TPCN1: variants seen among roughly 807,000 people sequenced by gnomAD.
TPCN1 encodes two pore channel protein 1.
TPCN1 carries 52 observed loss-of-function variants against 108.8 expected under a neutral mutation model. The ratio of observed to expected loss-of-function variants is 0.48; its 90% CI spans 0.38 to 0.60. TPCN1 has a LOEUF of 0.60. TPCN1 is among the 20% of genes least tolerant of loss of function. TPCN1 has a pLI of 0.00. For synonymous variants in TPCN1, 446 were observed against 433.7 expected, an observed-to-expected ratio of 1.03 and a Z score of -0.35; for missense variants, 806 against 1,072.8, an observed-to-expected ratio of 0.75 and a Z score of 3.47.
At chr12:113,241,232 G>A (rs1470385540) in intron 2 of TPCN1, among the ~76,000 whole-genome samples, 2 of 152,242 alleles carry the variant, frequency 1.3e-5, no homozygotes, top group African/African-American at 2.4e-5. Flanking sequence ...GAAGTGGCAG[G>A]CCTAGGCCAT....
At position 113,288,190 on chromosome 12, in the gene TPCN1, C is replaced by T. The variant is rs776436515; in HGVS notation, c.1662C>T (p.Arg554=). The T allele has an allele frequency of 6.2e-7, 1 of 1,613,940 alleles. No individual in the cohort carries two copies. Among genetic ancestry groups the T allele is most frequent in the Non-Finnish European group, 8.5e-7 (1 of 1,179,918 alleles). ...TGTTTAAGTTGAAGGAGCGCTACCG[C>T]AACGTGCTGGACACCATGTTCGAGC... is the stretch of plus-strand genomic sequence containing the variant. ...LRLFKLKERY[R]NVLDTMFELL... is the part of the protein sequence containing the mutation. Residue 554 remains arginine (R), a synonymous_variant, in exon 20 of 28, where the codon CGC becomes CGT. Coordinates refer to ENST00000335509, the MANE Select transcript of TPCN1 (RefSeq NM_017901.6). This position sits in a 1 kb window ranked among gnomAD's most constrained non-coding sequence, Gnocchi z 4.8.
chr12:113,247,707 C>T (rs544812564), intron 2 of TPCN1, among the ~76,000 whole-genome samples: 18 of 152,338 alleles, frequency 1.2e-4, no homozygotes, highest in South Asian at 2.1e-4. Context: ...CCATTTGCAC[C>T]CTTTCTATAA....
At chr12:113,277,444 C>G (rs1248883952) in intron 12 of TPCN1, 80 bp downstream of exon 12, 1 of 1,576,868 alleles carries the variant, frequency 6.3e-7, no homozygotes, top group East Asian at 2.3e-5. Flanking sequence ...TGTGAAGGCC[C>G]TTGAGGTGGG....
At chr12:113,247,034 C>T (rs1256905473) in intron 2 of TPCN1, among the ~76,000 whole-genome samples, 2 of 152,170 alleles carry the variant, frequency 1.3e-5, no homozygotes, top group Non-Finnish European at 2.9e-5. Flanking sequence ...AACAAGGCAC[C>T]AGGCCACTAG....
chr12:113,292,804 A>AC, intron 25 of TPCN1, 130 bp from the exon 26 acceptor site: 1 of 1,040,178 alleles, frequency 9.6e-7, no homozygotes, highest in Non-Finnish European at 1.4e-6. Context: ...AGAGCAGGAC[A>AC]CCAATGCAGT....
intron 1 of TPCN1, 58 bp downstream of exon 1, chr12:113,221,684 C>T (rs1004925443): frequency 1.8e-5 from 3 of 165,740 alleles, no homozygotes; most frequent in Non-Finnish European, 2.6e-5. Context: ...GATCAGGGGT[C>T]AGAGGACGCG....
Position 113,289,014 on chromosome 12 carries a change from G to A in TPCN1, c.1796+167G>A, listed in dbSNP as rs1956182940. ...TAGTTGAGTGCAGTGAGCTAAATGAGGGGCCTGGACTCGGGGTCCCTGTTT... is the reference window on the plus strand; with the variant it reads ...TAGTTGAGTGCAGTGAGCTAAATGAAGGGCCTGGACTCGGGGTCCCTGTTT... On this transcript the variant is annotated intron_variant, in intron 21 of 27. Transcript: ENST00000335509. This position sits in a 1 kb window ranked among gnomAD's most constrained non-coding sequence, Gnocchi z 4.1. Among the ~76,000 whole-genome samples, 1 of 152,220 alleles carries A rather than the reference G, an allele frequency of 6.6e-6. No homozygotes were observed. The highest frequency in any genetic ancestry group is 2.4e-5 in the African/African-American group (1 of 41,458).
At position 113,298,179 on chromosome 12, in the gene TPCN1, G is replaced by C. The variant is rs1016483481; in HGVS notation, c.*2103G>C. 6.6e-6 allele frequency: 1 copy of C among 152,346 alleles called. No homozygotes were observed. Among genetic ancestry groups the C allele is most frequent in the East Asian group, 1.9e-4 (1 of 5,194 alleles). The allele number at this position is 152,346 out of a possible 1,614,324, so 9.4% of individuals were successfully genotyped here. A position where few individuals can be genotyped will look rare whatever the true frequency, so the allele number is the denominator to read the frequency against. On this transcript the variant is annotated 3_prime_UTR_variant, in exon 28 of 28. Transcript: ENST00000335509. ...GTCAACAGACGGGAGTCCAGCCAGG[G>C]TGGGTGCCCTTGTCATTGAGGTTAG...
At position 113,232,419 on chromosome 12, in the gene TPCN1, G is replaced by A. The variant is rs748121099; in HGVS notation, c.112+5455G>A. Among the ~76,000 whole-genome samples the A allele has an allele frequency of 4.6e-5, 7 of 152,260 alleles. No homozygotes were observed. The highest frequency in any genetic ancestry group is 7.3e-5 in the Non-Finnish European group (5 of 68,048). On this transcript the variant is annotated intron_variant, in intron 2 of 27. Coordinates refer to ENST00000335509, the MANE Select transcript of TPCN1 (RefSeq NM_017901.6). The surrounding 1 kb of genome is among the most constrained non-coding windows in gnomAD (Gnocchi z 5.6). ...GGCCAGAGCTGTTGGCCGCAGGGCC[G>A]CCGTAGCCAGGAGGAGTTGGGAGAG...
In TPCN1 at chr12:113,288,889, G is replaced by A. The variant is rs777556761; in HGVS notation, c.1796+42G>A. The A allele has an allele frequency of 5.0e-5, 80 of 1,597,986 alleles. No individual in the cohort carries two copies. Among genetic ancestry groups the A allele is most frequent in the South Asian group, 6.6e-5 (6 of 90,766 alleles). On this transcript the variant is annotated intron_variant, in intron 21 of 27. Transcript: ENST00000335509. The surrounding 1 kb of genome is among the most constrained non-coding windows in gnomAD (Gnocchi z 4.8). ...CAGCCCCAGGCAGCCTGCATTTCCC[G>A]GGCAGAGGGCTGGCCAGGGCCAGGA...
intron 2 of TPCN1, among the ~76,000 whole-genome samples, chr12:113,239,853 G>T (rs776922615): frequency 1.3e-5 from 2 of 152,138 alleles, no homozygotes; most frequent in East Asian, 3.8e-4. Flanking sequence ...GTTAGATTGG[G>T]ATTTTATTAT....
intron 2 of TPCN1, among the ~76,000 whole-genome samples, chr12:113,245,547 G>A (rs1417377063): frequency 7.9e-6 from 1 of 127,108 alleles, no homozygotes; most frequent in Non-Finnish European, 1.6e-5. Flanking sequence ...CTTGCAGTGA[G>A]CCGAGATCGC....
intron 4 of TPCN1, among the ~76,000 whole-genome samples, chr12:113,267,448 G>A (rs977733713): frequency 3.3e-5 from 5 of 151,148 alleles, no homozygotes; most frequent in Non-Finnish European, 5.9e-5. Flanking sequence ...GCCCAGGCTG[G>A]TGTGCAGTGG....
intron 3 of TPCN1, 44 bp downstream of exon 3, chr12:113,260,536 G>A (rs1954990832): frequency 6.5e-7 from 1 of 1,544,414 alleles, no homozygotes; most frequent in Non-Finnish European, 8.7e-7. Flanking sequence ...TGCACCTGTT[G>A]GTGGGGTGGG....
chr12:113,293,572 G>T (rs865874900), intron 27 of TPCN1, among the ~76,000 whole-genome samples: 1 of 152,196 alleles, frequency 6.6e-6, no homozygotes, highest in African/African-American at 2.4e-5. Flanking sequence ...CCTGCCTGCC[G>T]CCATATGTCC....
intron 7 of TPCN1, among the ~76,000 whole-genome samples, chr12:113,271,683 C>A (rs1442401760): frequency 4.6e-5 from 7 of 152,194 alleles, no homozygotes; most frequent in Admixed American, 4.6e-4. Context: ...TTCTGTCGGA[C>A]GTTTTTCTTA....
chr12:113,260,405 C>A lies in TPCN1; in HGVS notation c.150C>A (p.Pro50=). The A allele has an allele frequency of 6.6e-7, 1 of 1,524,026 alleles. No individual in the cohort carries two copies. The highest frequency in any genetic ancestry group is 8.8e-7 in the Non-Finnish European group (1 of 1,141,754). The allele number at this position is 1,524,026 out of a possible 1,614,324, so 94.4% of individuals were successfully genotyped here. Residue 50 remains proline, a synonymous_variant, in exon 3 of 28, where the codon CCC becomes CCA. Coordinates refer to ENST00000335509, the MANE Select transcript of TPCN1 (RefSeq NM_017901.6). ...ATGCCATCCACGACTCCCAGGCCCCCAGTCTCAGCTCTGGGGGTGAGAGTT... is the reference window on the plus strand; with the variant it reads ...ATGCCATCCACGACTCCCAGGCCCCAAGTCTCAGCTCTGGGGGTGAGAGTT... ...GSYAIHDSQA[P]SLSSGGESSP...
chr12:113,237,294 TC>T (rs929355731), intron 2 of TPCN1, among the ~76,000 whole-genome samples: 7 of 151,920 alleles, frequency 4.6e-5, no homozygotes, highest in Non-Finnish European at 8.8e-5. Flanking sequence ...TGTGTCTGTC[TC>T]CCTGACCAGT....
chr12:113,295,126 C>T (rs959589309), intron 27 of TPCN1, among the ~76,000 whole-genome samples: 3 of 152,200 alleles, frequency 2.0e-5, no homozygotes, highest in African/African-American at 7.2e-5. Flanking sequence ...GATGACTGTG[C>T]AGCAGCACCC....
Sources: gnomAD v4.1 joint callset for allele counts (sites outside exome capture counted in the v4.1 genomes callset) on GRCh38, gnomAD v4.1.1 for gene constraint, Gnocchi (gnomAD v3.1) non-coding constraint, MANE v1.5 for transcripts, NCBI Gene and HGNC (gene_info 2026-07-23, HGNC 2026-07-21) for gene names.